The following RABGAP1L variants were observed in gnomAD, a reference collection of about 807,000 sequenced individuals.
RABGAP1L encodes rab GTPase-activating protein 1-like.
Under a neutral mutation model 137.7 loss-of-function variants are expected in RABGAP1L, and 63 were observed. The ratio of observed to expected loss-of-function variants is 0.46; its 90% confidence interval spans 0.37 to 0.56. RABGAP1L has a LOEUF of 0.56. Ranked by LOEUF, RABGAP1L falls within the 20% of genes least tolerant of loss-of-function variation. The pLI, the probability that RABGAP1L is intolerant of heterozygous loss-of-function variation, is 0.00. For synonymous variants in RABGAP1L, 431 were observed against 433.7 expected (o/e 0.99, Z 0.08); for missense variants, 1,095 against 1,244.0 (o/e 0.88, Z 1.80).
At chr1:174,243,744 C>T (rs1357844985) in intron 5 of RABGAP1L, among the ~76,000 whole-genome samples, 1 of 152,090 alleles carries the variant, frequency 6.6e-6, no homozygotes, top group Non-Finnish European at 1.5e-5. Context: ...TACTAATACC[C>T]TCATTTTTAT....
At chr1:174,310,265 G>C (rs1227577864) in intron 11 of RABGAP1L, among the ~76,000 whole-genome samples, 1 of 152,038 alleles carries the variant, frequency 6.6e-6, no homozygotes, top group Non-Finnish European at 1.5e-5. Context: ...ATTTTCCGAA[G>C]CTTTTTCTGT....
At chr1:174,868,335 G>A (rs373607068) in intron 19 of RABGAP1L, among the ~76,000 whole-genome samples, 4 of 152,166 alleles carry the variant, frequency 2.6e-5, no homozygotes, top group Non-Finnish European at 4.4e-5. Context: ...AAAGTATTGT[G>A]TAAGAACTAA....
intron 13 of RABGAP1L, among the ~76,000 whole-genome samples, chr1:174,519,970 C>G (rs899730141): frequency 3.9e-5 from 6 of 152,176 alleles, no homozygotes; most frequent in African/African-American, 1.4e-4. Context: ...TTCATTATCT[C>G]TGTCTTGCAC....
intron 11 of RABGAP1L, among the ~76,000 whole-genome samples, chr1:174,323,177 T>C (rs1038942875): frequency 1.3e-5 from 2 of 152,160 alleles, no homozygotes; most frequent in Admixed American, 1.3e-4. Context: ...AAGAATCTGT[T>C]TTGTGGCATA....
chr1:174,400,406 A>G (rs894040487), intron 13 of RABGAP1L, among the ~76,000 whole-genome samples: 1 of 152,034 alleles, frequency 6.6e-6, no homozygotes, highest in African/African-American at 2.4e-5. Flanking sequence ...CCACAACTGT[A>G]TTGCTCCTTA....
intron 13 of RABGAP1L, among the ~76,000 whole-genome samples, chr1:174,615,206 G>A (rs1671697007): frequency 1.3e-5 from 2 of 152,102 alleles, no homozygotes; most frequent in East Asian, 1.9e-4. Flanking sequence ...CATCTTTGTG[G>A]TTTTATCTAC....
chr1:174,918,629 T>A (rs1158173395), intron 19 of RABGAP1L, among the ~76,000 whole-genome samples: 1 of 151,866 alleles, frequency 6.6e-6, no homozygotes, highest in East Asian at 1.9e-4. Flanking sequence ...GAAAAAAAGT[T>A]TAAAAATTAG....
intron 13 of RABGAP1L, among the ~76,000 whole-genome samples, chr1:174,607,257 G>A (rs1670857725): frequency 6.6e-6 from 1 of 152,148 alleles, no homozygotes; most frequent in Admixed American, 6.6e-5. Context: ...GAAACAAAGA[G>A]CTAACAAGTT....
chr1:174,378,324 T>C (rs1685761027), intron 12 of RABGAP1L, among the ~76,000 whole-genome samples: 1 of 151,498 alleles, frequency 6.6e-6, no homozygotes. Context: ...CTGGGTCAAA[T>C]GGTATTTCTA....
intron 1 of RABGAP1L, among the ~76,000 whole-genome samples, chr1:174,217,526 C>T (rs1367589263): frequency 6.6e-6 from 1 of 152,088 alleles, no homozygotes; most frequent in African/African-American, 2.4e-5. Flanking sequence ...AAGGATTGAC[C>T]ACAGAAAGAC....
At chr1:174,868,590 A>G (rs1182430524) in intron 19 of RABGAP1L, among the ~76,000 whole-genome samples, 1 of 152,190 alleles carries the variant, frequency 6.6e-6, no homozygotes, top group Non-Finnish European at 1.5e-5. Context: ...ATGAAGAAGG[A>G]TTATTTATTT....
intron 23 of RABGAP1L, among the ~76,000 whole-genome samples, chr1:174,981,102 C>T (rs932161326): frequency 1.3e-5 from 2 of 152,124 alleles, no homozygotes; most frequent in Admixed American, 1.3e-4. Flanking sequence ...AAATGCAGCA[C>T]TCTTCAAATA....
chr1:174,305,942 T>C (rs1678195975), intron 11 of RABGAP1L, among the ~76,000 whole-genome samples: 1 of 151,866 alleles, frequency 6.6e-6, no homozygotes, highest in Admixed American at 6.6e-5. Context: ...CAGGCCGCAG[T>C]GTGTGATGTT....
chr1:174,195,698 TTC>T (rs1558021493), intron 1 of RABGAP1L, among the ~76,000 whole-genome samples: 3 of 115,018 alleles, frequency 2.6e-5, no homozygotes, highest in African/African-American at 8.2e-5. Flanking sequence ...CCTTCTTTCC[TTC>T]TTTCCTTCTT....
intron 17 of RABGAP1L, among the ~76,000 whole-genome samples, chr1:174,734,937 G>A (rs974976965): frequency 6.0e-5 from 9 of 149,238 alleles, no homozygotes; most frequent in Admixed American, 6.7e-5. Flanking sequence ...TTTAATTTGG[G>A]AAATTAGGAT....
intron 1 of RABGAP1L, among the ~76,000 whole-genome samples, chr1:174,189,744 G>A (rs1379620736): frequency 2.0e-5 from 3 of 152,192 alleles, no homozygotes; most frequent in African/African-American, 7.2e-5. Flanking sequence ...CAAGGCAGGA[G>A]GATTGCTTGA....
chr1:174,345,413 T>C (rs1682346279), intron 11 of RABGAP1L, among the ~76,000 whole-genome samples: 1 of 152,184 alleles, frequency 6.6e-6, no homozygotes, highest in East Asian at 1.9e-4. Context: ...ATTCTTCCAG[T>C]GCGTGAACGT....
intron 19 of RABGAP1L, among the ~76,000 whole-genome samples, chr1:174,906,249 C>T (rs1036722266): frequency 2.0e-5 from 3 of 151,352 alleles, no homozygotes; most frequent in Non-Finnish European, 4.4e-5. Context: ...GAACTCCTGA[C>T]TTCAAGTGAT....
intron 19 of RABGAP1L, among the ~76,000 whole-genome samples, chr1:174,930,440 C>G (rs892282661): frequency 1.3e-5 from 2 of 151,850 alleles, no homozygotes; most frequent in Non-Finnish European, 2.9e-5. Context: ...ACCTCAGTCT[C>G]TCTGGTAGCT....
Sources: allele counts gnomAD v4.1 joint callset (sites outside exome capture counted in the v4.1 genomes callset), GRCh38; gene constraint gnomAD v4.1.1; transcripts MANE v1.5; gene names NCBI Gene and HGNC (gene_info 2026-07-23, HGNC 2026-07-21).